ARVCF: variants seen among roughly 807,000 people sequenced by gnomAD.
ARVCF encodes the protein splicing regulator ARVCF.
ARVCF carries 66 observed loss-of-function variants against 90.9 expected under a neutral mutation model. The observed-to-expected ratio is 0.73, with a 90% CI of 0.60 to 0.89. The LOEUF (loss-of-function observed/expected upper bound fraction) is 0.89. Ranked by LOEUF, ARVCF falls within the 40% of genes least tolerant of loss-of-function variation. The pLI is 0.00. For synonymous variants in ARVCF, 653 were observed against 603.4 expected (o/e 1.08, Z -1.21); for missense variants, 1,469 against 1,382.3 (o/e 1.06, Z -1.00).
intron 19 of ARVCF, 130 bp downstream of exon 19, chr22:19,971,086 C>A (rs958464449): frequency 6.8e-7 from 1 of 1,467,352 alleles, no homozygotes; most frequent in Non-Finnish European, 9.3e-7. Context: ...CACTGGGCTG[C>A]TGGACTGGAG....
downstream of ARVCF, among the ~76,000 whole-genome samples, chr22:19,965,913 G>C (rs925663124): frequency 2.6e-5 from 4 of 152,346 alleles, no homozygotes; most frequent in African/African-American, 9.6e-5. Flanking sequence ...ATTGGGTATT[G>C]ATGGCAGAGA....
At position 19,980,008 on chromosome 22, in the gene ARVCF, A is replaced by C. The variant is rs887122800; in HGVS notation, c.1131T>G (p.Asn377Lys). 2 of 1,595,002 alleles carry C rather than the reference A, an allele frequency of 1.3e-6. No homozygotes were observed. Among genetic ancestry groups the C allele is most frequent in the Non-Finnish European group, 1.7e-6 (2 of 1,171,234 alleles). ...ACAGATGCTGCAGGTAGGCGGCCGC[A>C]TTGGCCTTCACGGGGTCCACGGGGT... ...LRHPVDPVKA[N>K]AAAYLQHLCF... The change falls in exon 6 of 20, where the codon AAT becomes AAG. Residue 377 changes from asparagine (N) to lysine (K), a missense_variant. Coordinates refer to ENST00000263207, the MANE Select transcript of ARVCF (RefSeq NM_001670.3).
At chr22:19,999,335 C>G (rs1404073789) in intron 2 of ARVCF, among the ~76,000 whole-genome samples, 1 of 152,180 alleles carries the variant, frequency 6.6e-6, no homozygotes, top group African/African-American at 2.4e-5. Flanking sequence ...TCACTGGCCC[C>G]CTGCGGCAGC....
At chr22:19,972,052 CAG>C (rs1942840589) in intron 17 of ARVCF, 81 bp from the exon 18 acceptor site, 4 of 1,350,690 alleles carry the variant, frequency 3.0e-6, no homozygotes, top group Non-Finnish European at 2.0e-6. Context: ...AGCCCAGACA[CAG>C]GGGACTCGTG....
At position 19,971,434 on chromosome 22, in the gene ARVCF, G is replaced by T. The variant is rs1321462750; in HGVS notation, c.2782-99C>A. ...GCAGGGCCGAGGCTGGCGATGTAAG[G>T]GTTGGCCTGCCAGGACAGCACAGGT... On this transcript the variant is annotated intron_variant, in intron 18 of 19. Coordinates refer to ENST00000263207, the MANE Select transcript of ARVCF (RefSeq NM_001670.3). The T allele has an allele frequency of 5.0e-6, 7 of 1,408,520 alleles. No individual in the cohort carries two copies. The East Asian group carries it at 9.9e-5, about 20-fold the overall frequency. 87.3% of individuals were successfully genotyped at this position (1,408,520 alleles called of 1,614,324 possible).
At chr22:19,982,150 G>A in intron 3 of ARVCF, 59 bp from the exon 4 acceptor site, 2 of 1,587,932 alleles carry the variant, frequency 1.3e-6, no homozygotes, top group Non-Finnish European at 1.7e-6. Context: ...CTGGAGTGCA[G>A]GTCTCCACAC....
intron 2 of ARVCF, among the ~76,000 whole-genome samples, chr22:20,006,411 A>G (rs932985422): frequency 3.3e-5 from 5 of 151,736 alleles, no homozygotes; most frequent in Non-Finnish European, 2.9e-5. Flanking sequence ...CCCCGTCTCT[A>G]CTAAAAGTAC....
At chr22:19,973,401 C>G (rs1942959093) in intron 13 of ARVCF, 84 bp from the exon 14 acceptor site, 1 of 1,466,084 alleles carries the variant, frequency 6.8e-7, no homozygotes, top group Non-Finnish European at 9.1e-7. Flanking sequence ...GCGAGGGGCA[C>G]TGCCAGGAGA....
At chr22:19,980,490 A>T in intron 5 of ARVCF, 1 of 478,892 alleles carries the variant, frequency 2.1e-6, no homozygotes, top group Non-Finnish European at 3.5e-6. Context: ...CTCCCAGGAC[A>T]GCAAACTCAC....
chr22:20,001,137 A>C (rs2146444478), intron 2 of ARVCF, among the ~76,000 whole-genome samples: 1 of 152,214 alleles, frequency 6.6e-6, no homozygotes, highest in Middle Eastern at 3.4e-3. Context: ...GGTGAAGATC[A>C]GCATGCTAGG....
chr22:20,012,586 A>G (rs1944876527), intron 1 of ARVCF, among the ~76,000 whole-genome samples: 1 of 152,190 alleles, frequency 6.6e-6, no homozygotes, highest in Non-Finnish European at 1.5e-5. Context: ...AAAGCGGGGG[A>G]ATGACCACGC....
intron 3 of ARVCF, among the ~76,000 whole-genome samples, 180 bp from the exon 4 acceptor site, chr22:19,982,271 A>G (rs940471083): frequency 5.9e-5 from 9 of 152,336 alleles, no homozygotes; most frequent in South Asian, 4.1e-4. Context: ...AAGGACAGCA[A>G]TAAGTTCTTG....
intron 12 of ARVCF, 115 bp downstream of exon 12, chr22:19,973,996 TG>T: frequency 6.6e-7 from 1 of 1,510,918 alleles, no homozygotes; most frequent in Non-Finnish European, 8.9e-7. Context: ...TCTTGGATCC[TG>T]GGGTGGTGGT....
intron 2 of ARVCF, among the ~76,000 whole-genome samples, chr22:20,009,752 G>A (rs950024790): frequency 7.9e-5 from 12 of 152,210 alleles, no homozygotes; most frequent in African/African-American, 9.6e-5. Context: ...CTTCCCAGGC[G>A]CTATGCCTCA....
chr22:19,965,355 A>G (rs1204030126), downstream of ARVCF: 1 of 152,132 alleles, frequency 6.6e-6, no homozygotes, highest in Non-Finnish European at 1.5e-5. Flanking sequence ...ATATATATAT[A>G]TATTTTAGAT....
chr22:19,968,617 G>A (rs999446749), downstream of ARVCF: 16 of 1,613,976 alleles, frequency 9.9e-6, no homozygotes, highest in South Asian at 2.2e-5. Context: ...CCTAGCACAC[G>A]TGCGCGGGAG....
Position 19,979,776 on chromosome 22 carries a change from C to T in ARVCF, c.1363G>A (p.Ala455Thr). Reference sequence around the variant, plus strand: ...AGCTCACGGACCTCGTTGTCCCGGGCAGCCCTCAGCAGGCGCACCAGGGCA... The same window carrying T: ...AGCTCACGGACCTCGTTGTCCCGGGTAGCCCTCAGCAGGCGCACCAGGGCA... ...VPALVRLLRA[A>T]RDNEVRELVT... The change falls in exon 6 of 20, where the codon GCC (alanine) becomes ACC (threonine). Residue 455 changes from alanine (A) to threonine (T), a missense_variant. Ala to Thr is a moderately conservative substitution (Grantham distance 58). Transcript: ENST00000263207. 1 of 1,606,458 alleles carries T rather than the reference C, an allele frequency of 6.2e-7. No individual in the cohort carries two copies. Among genetic ancestry groups the T allele is most frequent in the Non-Finnish European group, 8.5e-7 (1 of 1,176,500 alleles).
In ARVCF at chr22:19,971,179, G is replaced by C. The variant is rs189765808; in HGVS notation, c.*12+37C>G. 3.8e-5 allele frequency: 59 copies of C among 1,551,274 alleles called. No homozygotes were observed. The African/African-American group carries it at 6.0e-4, about 16-fold the overall frequency. The stretch of plus-strand genomic sequence containing the variant: ...ACAAGAAGCCCTGGCCCAGAGGGCA[G>C]GAACAGGTGGACGAACAACCAGATG... On this transcript the variant is annotated intron_variant, in intron 19 of 19. Transcript: ENST00000263207.
At chr22:20,009,839 A>C (rs1294919272) in intron 2 of ARVCF, among the ~76,000 whole-genome samples, 1 of 152,230 alleles carries the variant, frequency 6.6e-6, no homozygotes, top group African/African-American at 2.4e-5. Flanking sequence ...GGGCCAGTAC[A>C]CATGGCCTAC....
Sources: allele counts gnomAD v4.1 joint callset (sites outside exome capture counted in the v4.1 genomes callset), GRCh38; gene constraint gnomAD v4.1.1; transcripts MANE v1.5; gene names NCBI Gene and HGNC (gene_info 2026-07-23, HGNC 2026-07-21).